KIF7: variants seen among roughly 807,000 people sequenced by gnomAD.
KIF7 encodes the protein kinesin-like protein KIF7.
KIF7 carries 104 observed loss-of-function variants against 135.7 expected under a neutral mutation model. The observed-to-expected ratio is 0.77, with a 90% CI of 0.65 to 0.90. The LOEUF is 0.90. Among genes scored for constraint, KIF7 ranks in the 40% least tolerant of loss-of-function variants. KIF7 has a pLI of 0.00. For synonymous variants in KIF7, 883 were observed against 809.4 expected (o/e 1.09, Z -1.54); for missense variants, 2,005 against 1,839.1 (o/e 1.09, Z -1.65).
At chr15:89,638,714 A>G (rs1462613880) in intron 11 of KIF7, among the ~76,000 whole-genome samples, 1 of 151,436 alleles carries the variant, frequency 6.6e-6, no homozygotes, top group Non-Finnish European at 1.5e-5. Context: ...AAATGGCCAT[A>G]CTGCCCAAGG....
chr15:89,658,782 C>T (rs1490730805), upstream of KIF7, among the ~76,000 whole-genome samples: 2 of 151,508 alleles, frequency 1.3e-5, no homozygotes, highest in Non-Finnish European at 1.5e-5. Context: ...TAGGATAGCT[C>T]GAGCCCGAGA....
At chr15:89,642,479 G>A in intron 10 of KIF7, 74 bp from the exon 11 acceptor site, 1 of 1,371,394 alleles carries the variant, frequency 7.3e-7, no homozygotes, top group Non-Finnish European at 1.0e-6. Flanking sequence ...CCCCCTGGGA[G>A]GTTTCCCAGC....
intron 11 of KIF7, among the ~76,000 whole-genome samples, chr15:89,641,324 G>T (rs1963916190): frequency 6.6e-6 from 1 of 152,130 alleles, no homozygotes. Flanking sequence ...GACACCTTGA[G>T]CTCGGACTGA....
Position 89,648,587 on chromosome 15 carries a change from C to T in KIF7, c.1111G>A (p.Gly371Ser), listed in dbSNP as rs1306629173. ...CGGTGCCGTGGCGGACCCCGCGCGC[C>T]GCTCGCCGTCTCTTCGGGTGGCCGC... ...AERPPEETAS[G>S]ARGPPRHRSE... Residue 371 changes from glycine to serine, a missense_variant, in exon 5 of 19, where the codon GGC becomes AGC. By Grantham distance (56) the Gly-to-Ser change is moderately conservative. Transcript: ENST00000394412. 2 of 1,519,910 alleles carry T rather than the reference C, an allele frequency of 1.3e-6. No individual in the cohort carries two copies. The highest frequency in any genetic ancestry group is 4.0e-5 in the Admixed American group (2 of 50,012). The allele number at this position is 1,519,910 out of a possible 1,614,324, so 94.2% of individuals were successfully genotyped here. A position where few individuals can be genotyped will look rare whatever the true frequency, so the allele number is the denominator to read the frequency against.
chr15:89,619,833 G>T (rs1010953178), intron 1 of KIF7: 1 of 1,611,544 alleles, frequency 6.2e-7, no homozygotes, highest in Non-Finnish European at 8.5e-7. Context: ...TTTCCAGCAA[G>T]ATAAGTCAGG....
Position 89,648,286 on chromosome 15 carries a change from T to G in KIF7, c.1412A>C (p.Asp471Ala), listed in dbSNP as rs922192277. 43 of 1,521,006 alleles carry G rather than the reference T, an allele frequency of 2.8e-5. No individual in the cohort carries two copies. The African/African-American group carries it at 5.5e-4, about 20-fold the overall frequency. 94.2% of individuals were successfully genotyped at this position (1,521,006 alleles called of 1,614,324 possible). A position where few individuals can be genotyped will look rare whatever the true frequency, so the allele number is the denominator to read the frequency against. ...DSGIESASVE[D>A]QAAQGAGGRK... ...CCCGCCGGCCCCCTGCGCCGCCTGGTCCTCGACGGAGGCGCTCTCGATGCC... is the reference window on the plus strand; with the variant it reads ...CCCGCCGGCCCCCTGCGCCGCCTGGGCCTCGACGGAGGCGCTCTCGATGCC... The change falls in exon 5 of 19, where the codon GAC becomes GCC. Residue 471 changes from aspartate (D) to alanine (A), a missense_variant. Asp to Ala is a moderately radical substitution (Grantham distance 126). Transcript: ENST00000394412.
chr15:89,638,198 A>C (rs866226981), intron 11 of KIF7, among the ~76,000 whole-genome samples: 8 of 85,844 alleles, frequency 9.3e-5, no homozygotes, highest in African/African-American at 1.3e-4. Context: ...CAGTATCATA[A>C]TGGGCAAAAA....
chr15:89,624,135 T>C (rs1197784029), downstream of KIF7: 1 of 1,613,450 alleles, frequency 6.2e-7, no homozygotes, highest in Non-Finnish European at 8.5e-7. Context: ...TCAGAGCTGC[T>C]CGGGCAGAGG....
chr15:89,648,608 G>A lies in KIF7; in HGVS notation c.1090C>T (p.Pro364Ser), dbSNP rs764965490. 547 of 1,532,238 alleles carry A rather than the reference G, an allele frequency of 3.6e-4. 1 individual carries two copies. The highest frequency in any genetic ancestry group is 4.6e-4 in the Non-Finnish European group (529 of 1,144,444). 94.9% of individuals were successfully genotyped at this position (1,532,238 alleles called of 1,614,324 possible). ...GCGCCGCTCGCCGTCTCTTCGGGTG[G>A]CCGCTCGGCCTCGGGCCGCCAGTTG... is the stretch of plus-strand genomic sequence containing the variant. ...TVNWRPEAER[P>S]PEETASGARG... The change falls in exon 5 of 19, where the codon CCA (proline) becomes TCA (serine). Residue 364 changes from proline to serine, a missense_variant. By Grantham distance (74) the Pro-to-Ser change is moderately conservative. Coordinates refer to ENST00000394412, the MANE Select transcript of KIF7 (RefSeq NM_198525.3).
chr15:89,623,513 A>T, downstream of KIF7: 7 of 1,136,498 alleles, frequency 6.2e-6, no homozygotes, highest in South Asian at 9.6e-5. Flanking sequence ...TCTTTAGATC[A>T]TTCCTTTGGC....
At chr15:89,645,244 G>GTCTTT in intron 9 of KIF7, 79 bp from the exon 10 acceptor site, 1 of 1,601,664 alleles carries the variant, frequency 6.2e-7, no homozygotes, top group Non-Finnish European at 8.5e-7. Context: ...GGGGCTGCCA[G>GTCTTT]GGATGGTGGG....
chr15:89,630,706 C>A lies in KIF7; in HGVS notation c.3112-213G>T. The A allele has an allele frequency of 2.0e-5, 12 of 611,558 alleles. No homozygotes were observed. In the South Asian group the frequency reaches 2.3e-4, roughly 12 times the overall value. 37.9% of individuals were successfully genotyped at this position (611,558 alleles called of 1,614,324 possible). Reference sequence around the variant, plus strand: ...GGGGGCACTGCTCAGAGGTGGCCTGCTCAACTGCAAGCCTCTGTGAATGAT... The same window carrying A: ...GGGGGCACTGCTCAGAGGTGGCCTGATCAACTGCAAGCCTCTGTGAATGAT... On this transcript the variant is annotated intron_variant, in intron 15 of 18. Coordinates refer to ENST00000394412, the MANE Select transcript of KIF7 (RefSeq NM_198525.3).
downstream of KIF7, chr15:89,627,398 G>A (rs1465861348): frequency 5.9e-6 from 2 of 339,012 alleles, no homozygotes; most frequent in Non-Finnish European, 1.1e-5. Context: ...GGCAAGTCAG[G>A]GGGCCACTCT....
intron 15 of KIF7, 102 bp downstream of exon 15, chr15:89,631,393 G>C: frequency 9.1e-7 from 1 of 1,094,802 alleles, no homozygotes; most frequent in Non-Finnish European, 1.3e-6. Context: ...TCTGCCGACA[G>C]CAAGGCCCAG....
At chr15:89,631,200 C>CCGAGACGTGTGGGCAGGTACT in intron 15 of KIF7, 1 of 424,110 alleles carries the variant, frequency 2.4e-6, no homozygotes, top group Non-Finnish European at 4.3e-6. Context: ...ACACACGAAG[C>CCGAGACGTGTGGGCAGGTACT]CGAGACGTGT....
At chr15:89,637,656 G>A (rs1411273733) in intron 11 of KIF7, among the ~76,000 whole-genome samples, 1 of 147,142 alleles carries the variant, frequency 6.8e-6, no homozygotes, top group African/African-American at 2.5e-5. Flanking sequence ...AATAACAGGA[G>A]CTGAAATTGT....
intron 1 of KIF7, among the ~76,000 whole-genome samples, chr15:89,622,437 C>A (rs944785451): frequency 6.6e-6 from 1 of 152,208 alleles, no homozygotes; most frequent in Non-Finnish European, 1.5e-5. Flanking sequence ...ACATTCCTCT[C>A]AGTTTGCTTA....
At chr15:89,621,618 C>G (rs1963427123) in intron 1 of KIF7, 1 of 1,368,534 alleles carries the variant, frequency 7.3e-7, no homozygotes, top group Non-Finnish European at 1.0e-6. Context: ...CCAAGGAACT[C>G]AGAGTCCATT....
At chr15:89,650,807 C>A (rs1452366429) in intron 2 of KIF7, among the ~76,000 whole-genome samples, 1 of 151,868 alleles carries the variant, frequency 6.6e-6, no homozygotes, top group African/African-American at 2.4e-5. Context: ...AACTCCTATG[C>A]CCAAGCAGTC....
Sources: gnomAD v4.1 joint callset for allele counts (sites outside exome capture counted in the v4.1 genomes callset) on GRCh38, gnomAD v4.1.1 for gene constraint, MANE v1.5 for transcripts, NCBI Gene and HGNC (gene_info 2026-07-23, HGNC 2026-07-21) for gene names.